The following SLC39A11 variants were observed in gnomAD, a reference collection of about 807,000 sequenced individuals.
SLC39A11 encodes the protein solute carrier family 39 member 11, also known as zinc transporter ZIP11.
A neutral mutation model predicts 36.1 loss-of-function variants in SLC39A11; 33 were observed. The ratio of observed to expected loss-of-function variants is 0.91; its 90% CI spans 0.69 to 1.22. The LOEUF is 1.22. Among genes scored for constraint, SLC39A11 ranks in the 50% most tolerant of loss-of-function variants. The pLI is 0.00. For missense variants in SLC39A11, 432 were observed against 430.3 expected, an observed-to-expected ratio of 1.00 and a Z score of -0.03; for synonymous variants, 166 against 170.3, an observed-to-expected ratio of 0.97 and a Z score of 0.20.
chr17:72,758,105 G>C (rs963686172), intron 6 of SLC39A11, among the ~76,000 whole-genome samples: 12 of 151,932 alleles, frequency 7.9e-5, no homozygotes, highest in African/African-American at 2.7e-4. Context: ...AGGCTGGTTT[G>C]GAACTCCTGA....
chr17:72,718,184 A>T (rs890823482), intron 7 of SLC39A11, among the ~76,000 whole-genome samples: 1 of 152,174 alleles, frequency 6.6e-6, no homozygotes, highest in Non-Finnish European at 1.5e-5. Flanking sequence ...GCAGCAGCTC[A>T]TGCCTGTAAT....
intron 6 of SLC39A11, among the ~76,000 whole-genome samples, chr17:72,844,607 T>A (rs375229908): frequency 1.3e-5 from 2 of 152,160 alleles, no homozygotes; most frequent in East Asian, 3.8e-4. Flanking sequence ...AGGTGGAGGT[T>A]GCAGTGAGCC....
At chr17:73,004,163 A>AAAGG (rs2089999340) in intron 4 of SLC39A11, among the ~76,000 whole-genome samples, 3 of 100,234 alleles carry the variant, frequency 3.0e-5, no homozygotes, top group East Asian at 6.6e-4. Context: ...AAGAAGGAAA[A>AAAGG]AAAGAAAGAA....
intron 4 of SLC39A11, among the ~76,000 whole-genome samples, chr17:73,010,355 G>C (rs962896038): frequency 2.8e-5 from 4 of 144,126 alleles, no homozygotes; most frequent in African/African-American, 1.1e-4. Context: ...TTTTGCAATA[G>C]GAGAAGACTT....
intron 5 of SLC39A11, among the ~76,000 whole-genome samples, chr17:72,938,314 G>C (rs980723493): frequency 5.9e-5 from 9 of 152,112 alleles, no homozygotes; most frequent in African/African-American, 2.2e-4. Context: ...CATCCCAAAG[G>C]TTAGCGCTGT....
rs533921784 is a variant in SLC39A11 at position 72,859,561 on chromosome 17, CA to C, written c.431-9758del. 2.4e-4 allele frequency among the ~76,000 whole-genome samples: 36 copies of C among 150,526 alleles called. 1 individual carries two copies. The East Asian group carries it at 6.8e-3, about 28-fold the overall frequency. On this transcript the variant is annotated intron_variant, in intron 5 of 9. Coordinates refer to ENST00000255559, the MANE Select transcript of SLC39A11 (RefSeq NM_139177.4). ...ACCAGGACTTCCTGCTCCACAGACC[CA>C]ATTTAGGGACCAGGTTCTATGGAGT...
At chr17:73,055,189 A>AG (rs1193178202) in intron 3 of SLC39A11, among the ~76,000 whole-genome samples, 1 of 152,100 alleles carries the variant, frequency 6.6e-6, no homozygotes, top group Non-Finnish European at 1.5e-5. Context: ...TGGGGAGTCG[A>AG]GGGGGGATAT....
intron 6 of SLC39A11, among the ~76,000 whole-genome samples, chr17:72,784,247 A>T (rs974069507): frequency 3.3e-5 from 5 of 152,150 alleles, no homozygotes; most frequent in African/African-American, 1.2e-4. Context: ...CCAGAGCCTG[A>T]AGCAGGAGTC....
At chr17:72,653,080 C>T (rs1160491896) in intron 7 of SLC39A11, among the ~76,000 whole-genome samples, 1 of 150,530 alleles carries the variant, frequency 6.6e-6, no homozygotes, top group Admixed American at 6.6e-5. Context: ...GCCTGGTGGG[C>T]TTGACTCTTC....
chr17:72,729,000 AT>A (rs2074044640), intron 7 of SLC39A11, among the ~76,000 whole-genome samples: 1 of 152,030 alleles, frequency 6.6e-6, no homozygotes, highest in South Asian at 2.1e-4. Flanking sequence ...TATCTTCTTC[AT>A]TGCTGCTAAA....
At chr17:72,895,117 T>G (rs1021767430) in intron 5 of SLC39A11, among the ~76,000 whole-genome samples, 5 of 152,074 alleles carry the variant, frequency 3.3e-5, no homozygotes, top group Admixed American at 1.3e-4. Context: ...GTCGCATTGG[T>G]GGGTGCTAGT....
At chr17:73,027,533 C>G (rs1454637725) in intron 4 of SLC39A11, among the ~76,000 whole-genome samples, 1 of 152,238 alleles carries the variant, frequency 6.6e-6, no homozygotes, top group East Asian at 1.9e-4. Flanking sequence ...CTTGAGGCAT[C>G]TGAAGTTAAC....
chr17:72,925,061 G>A lies in SLC39A11; in HGVS notation c.430+22691C>T, dbSNP rs1317568993. On this transcript the variant is annotated intron_variant, in intron 5 of 9. Coordinates refer to ENST00000255559, the MANE Select transcript of SLC39A11 (RefSeq NM_139177.4). ...TGGATTTGAGAGCTTCTCATTTGAGGAGAATTCCCTATCCCAAGGCAGGTG... is the reference window on the plus strand; with the variant it reads ...TGGATTTGAGAGCTTCTCATTTGAGAAGAATTCCCTATCCCAAGGCAGGTG... Among the ~76,000 whole-genome samples the A allele has an allele frequency of 2.6e-5, 4 of 151,852 alleles. No homozygotes were observed. The South Asian group carries it at 8.3e-4, about 32-fold the overall frequency.
intron 6 of SLC39A11, among the ~76,000 whole-genome samples, chr17:72,838,396 T>G (rs1175945213): frequency 6.6e-6 from 1 of 151,874 alleles, no homozygotes; most frequent in African/African-American, 2.4e-5. Flanking sequence ...ACCTGGCTAG[T>G]TTTTTAATTT....
At chr17:72,833,346 C>T (rs1011496590) in intron 6 of SLC39A11, among the ~76,000 whole-genome samples, 1 of 152,204 alleles carries the variant, frequency 6.6e-6, no homozygotes, top group Non-Finnish European at 1.5e-5. Context: ...TTCAGATATT[C>T]AGACCTTAAG....
intron 3 of SLC39A11, among the ~76,000 whole-genome samples, chr17:73,074,398 A>G (rs1191397895): frequency 6.7e-6 from 1 of 149,504 alleles, no homozygotes; most frequent in Non-Finnish European, 1.5e-5. Flanking sequence ...CCTGGGTTCA[A>G]GCAATTCTCC....
intron 7 of SLC39A11, among the ~76,000 whole-genome samples, chr17:72,685,539 G>T (rs1363393430): frequency 8.1e-6 from 1 of 123,750 alleles, no homozygotes; most frequent in Non-Finnish European, 1.7e-5. Flanking sequence ...AACACAATAA[G>T]CCCCAAAAGG....
chr17:72,977,497 C>T (rs1313070145), intron 4 of SLC39A11, among the ~76,000 whole-genome samples: 1 of 152,110 alleles, frequency 6.6e-6, no homozygotes, highest in Non-Finnish European at 1.5e-5. Context: ...GAGCGTGTCC[C>T]CAGGCCCTAG....
chr17:72,877,651 A>G (rs981681009), intron 5 of SLC39A11, among the ~76,000 whole-genome samples: 2 of 152,140 alleles, frequency 1.3e-5, no homozygotes, highest in Non-Finnish European at 2.9e-5. Context: ...GGCTTTCTCT[A>G]GCTGCCTGAT....
Sources: gnomAD v4.1 joint callset for allele counts (sites outside exome capture counted in the v4.1 genomes callset) on GRCh38, gnomAD v4.1.1 for gene constraint, MANE v1.5 for transcripts, NCBI Gene and HGNC (gene_info 2026-07-23, HGNC 2026-07-21) for gene names.